TMEM108: variants seen among roughly 807,000 people sequenced by gnomAD.
TMEM108 encodes cancer/testis antigen 124.
TMEM108 carries 12 observed loss-of-function variants against 35.1 expected under a neutral mutation model. That is an observed-to-expected ratio of 0.34 (90% CI 0.22 to 0.55). The LOEUF is 0.55. TMEM108 is among the 20% of genes least tolerant of loss of function. TMEM108 has a pLI of 0.89. For synonymous variants in TMEM108, 287 were observed against 308.6 expected, an observed-to-expected ratio of 0.93 and a Z score of 0.73; for missense variants, 680 against 753.3, an observed-to-expected ratio of 0.90 and a Z score of 1.14.
At chr3:133,273,833 A>C (rs960447819) in intron 3 of TMEM108, among the ~76,000 whole-genome samples, 1 of 152,192 alleles carries the variant, frequency 6.6e-6, no homozygotes, top group African/African-American at 2.4e-5. Flanking sequence ...GGAGAGATGG[A>C]CGACTCACTA....
intron 2 of TMEM108, among the ~76,000 whole-genome samples, chr3:133,135,626 T>C (rs1380428390): frequency 6.6e-6 from 1 of 152,144 alleles, no homozygotes; most frequent in Non-Finnish European, 1.5e-5. Flanking sequence ...AGAGGTAAAC[T>C]GTGTGACTGC....
chr3:133,357,023 A>G (rs1409711296), intron 3 of TMEM108, among the ~76,000 whole-genome samples: 1 of 152,032 alleles, frequency 6.6e-6, no homozygotes. Flanking sequence ...AACAGACAGT[A>G]TTTGCAAACT....
intron 5 of TMEM108, among the ~76,000 whole-genome samples, chr3:133,393,088 G>A (rs2073257450): frequency 6.6e-6 from 1 of 152,132 alleles, no homozygotes; most frequent in Admixed American, 6.5e-5. Context: ...CAGCTTCAGT[G>A]GCCTCTTTGC....
chr3:133,120,673 TC>T (rs1944342179), intron 2 of TMEM108, among the ~76,000 whole-genome samples: 2 of 152,190 alleles, frequency 1.3e-5, no homozygotes, highest in South Asian at 4.1e-4. Context: ...GATCTACACT[TC>T]TAAGTAAATA....
intron 3 of TMEM108, among the ~76,000 whole-genome samples, chr3:133,271,675 G>A (rs1020159086): frequency 1.3e-5 from 2 of 152,074 alleles, no homozygotes; most frequent in Non-Finnish European, 2.9e-5. Context: ...CACAACAGAC[G>A]CTGCTCTGAC....
At chr3:133,367,869 G>GA (rs2072545992) in intron 3 of TMEM108, among the ~76,000 whole-genome samples, 1 of 152,220 alleles carries the variant, frequency 6.6e-6, no homozygotes, top group Non-Finnish European at 1.5e-5. Context: ...TGAGGGGAGA[G>GA]AAAGTGCTGA....
At chr3:133,262,642 A>T (rs1156803624) in intron 3 of TMEM108, among the ~76,000 whole-genome samples, 2 of 152,242 alleles carry the variant, frequency 1.3e-5, no homozygotes, top group African/African-American at 2.4e-5. Flanking sequence ...ACTAACTGTC[A>T]TTAGAGATGA....
chr3:133,366,622 G>A (rs757077712), intron 3 of TMEM108, among the ~76,000 whole-genome samples: 36 of 152,194 alleles, frequency 2.4e-4, no homozygotes, highest in Non-Finnish European at 4.3e-4. Context: ...GACAAATGGT[G>A]TTATTAGTTT....
At chr3:133,054,682 A>G (rs1439284125) in intron 2 of TMEM108, among the ~76,000 whole-genome samples, 1 of 152,232 alleles carries the variant, frequency 6.6e-6, no homozygotes, top group African/African-American at 2.4e-5. Flanking sequence ...AAGGGAATGC[A>G]TTCTAATACT....
At chr3:133,383,874 T>C (rs2073077278) in intron 4 of TMEM108, among the ~76,000 whole-genome samples, 1 of 152,210 alleles carries the variant, frequency 6.6e-6, no homozygotes, top group Non-Finnish European at 1.5e-5. Context: ...GCGTTTCCAC[T>C]ATACACAAGG....
intron 3 of TMEM108, among the ~76,000 whole-genome samples, chr3:133,276,677 T>C (rs939833265): frequency 1.3e-5 from 2 of 151,546 alleles, no homozygotes; most frequent in Admixed American, 1.3e-4. Context: ...AAATATGGGG[T>C]GGGAAGTGGT....
intron 2 of TMEM108, among the ~76,000 whole-genome samples, chr3:133,175,737 A>G (rs148587015): frequency 0.024 from 3,272 of 136,720 alleles, 45 homozygotes; most frequent in Non-Finnish European, 0.035. Flanking sequence ...TGTAAAGACC[A>G]TCAATGCTAG....
intron 2 of TMEM108, among the ~76,000 whole-genome samples, chr3:133,087,417 A>G (rs1008317223): frequency 3.3e-5 from 5 of 152,214 alleles, no homozygotes; most frequent in Non-Finnish European, 5.9e-5. Flanking sequence ...GCTTTGTTGT[A>G]TAGCCCCAGT....
chr3:133,143,901 A>G (rs570949625), intron 2 of TMEM108, among the ~76,000 whole-genome samples: 108 of 151,704 alleles, frequency 7.1e-4, no homozygotes, highest in African/African-American at 2.5e-3. Context: ...CGAACATTCT[A>G]CAAGGGAAAG....
At chr3:133,042,077 G>A (rs1427370336) in intron 1 of TMEM108, among the ~76,000 whole-genome samples, 1 of 152,200 alleles carries the variant, frequency 6.6e-6, no homozygotes, top group Admixed American at 6.5e-5. Context: ...TGGTTTTAAT[G>A]ATGTTATTAG....
At chr3:133,312,198 C>T (rs775876825) in intron 3 of TMEM108, among the ~76,000 whole-genome samples, 5 of 152,248 alleles carry the variant, frequency 3.3e-5, no homozygotes, top group Non-Finnish European at 7.3e-5. Context: ...CAGGGACCTA[C>T]TTGAGGAGGC....
chr3:133,357,292 G>A (rs778571379), intron 3 of TMEM108, among the ~76,000 whole-genome samples: 11 of 152,160 alleles, frequency 7.2e-5, no homozygotes, highest in South Asian at 2.1e-4. Context: ...AGTCGTTGGC[G>A]TGGATGTGGT....
chr3:133,280,625 G>C (rs907862534), intron 3 of TMEM108, among the ~76,000 whole-genome samples: 3 of 152,160 alleles, frequency 2.0e-5, no homozygotes, highest in African/African-American at 7.2e-5. Flanking sequence ...ATATCAGTTA[G>C]CTTTTCCTAC....
At chr3:133,067,513 T>G (rs1288587784) in intron 2 of TMEM108, among the ~76,000 whole-genome samples, 1 of 152,234 alleles carries the variant, frequency 6.6e-6, no homozygotes, top group Non-Finnish European at 1.5e-5. Context: ...CTCTCTGAAT[T>G]ATGAATGTTC....
Sources: gnomAD v4.1 joint callset for allele counts (sites outside exome capture counted in the v4.1 genomes callset) on GRCh38, gnomAD v4.1.1 for gene constraint, MANE v1.5 for transcripts, NCBI Gene and HGNC (gene_info 2026-07-23, HGNC 2026-07-21) for gene names.